The following GRIP1 variants were observed in gnomAD, a reference collection of about 807,000 sequenced individuals.
GRIP1 encodes the protein glutamate receptor-interacting protein 1.
A neutral mutation model predicts 129.9 loss-of-function variants in GRIP1; 45 were observed. That is an observed-to-expected ratio of 0.35 (90% CI 0.27 to 0.44). GRIP1 has a LOEUF of 0.44. Ranked by LOEUF, GRIP1 falls within the 20% of genes least tolerant of loss-of-function variation. The pLI is 1.00. For missense variants in GRIP1, 1,196 were observed against 1,396.8 expected (o/e 0.86, Z 2.29); for synonymous variants, 530 against 520.8 (o/e 1.02, Z -0.24).
At chr12:66,641,776 C>CT (rs2136091246) in intron 1 of GRIP1, among the ~76,000 whole-genome samples, 1 of 152,314 alleles carries the variant, frequency 6.6e-6, no homozygotes, top group Non-Finnish European at 1.5e-5. Context: ...TCTCTCTTAC[C>CT]TTGGCCATGC....
At chr12:66,880,534 A>C (rs1265480545) in intron 1 of GRIP1, among the ~76,000 whole-genome samples, 1 of 152,136 alleles carries the variant, frequency 6.6e-6, no homozygotes, top group African/African-American at 2.4e-5. Flanking sequence ...GCATAACCAG[A>C]GGATGAAGAC....
At chr12:66,996,809 T>C (rs1380868739) in intron 1 of GRIP1, among the ~76,000 whole-genome samples, 1 of 152,190 alleles carries the variant, frequency 6.6e-6, no homozygotes, top group Non-Finnish European at 1.5e-5. Flanking sequence ...CATGAAAATC[T>C]ACCTACTGAA....
intron 1 of GRIP1, among the ~76,000 whole-genome samples, chr12:66,957,434 A>ATATATG (rs2137519206): frequency 6.6e-6 from 1 of 151,228 alleles, no homozygotes. Flanking sequence ...ATATATATAT[A>ATATATG]TATTTCTTTT....
intron 1 of GRIP1, among the ~76,000 whole-genome samples, chr12:66,815,353 C>G (rs894422454): frequency 2.6e-5 from 4 of 152,098 alleles, no homozygotes; most frequent in Non-Finnish European, 4.4e-5. Context: ...TCAGAAAACT[C>G]TGCCTGATGA....
chr12:66,543,070 C>T (rs189003846), intron 2 of GRIP1, among the ~76,000 whole-genome samples: 139 of 152,184 alleles, frequency 9.1e-4, no homozygotes, highest in African/African-American at 3.2e-3. Context: ...GCTGCTAGTA[C>T]ATTATCCTAC....
intron 1 of GRIP1, among the ~76,000 whole-genome samples, chr12:66,637,668 C>A (rs1013520632): frequency 6.6e-6 from 1 of 151,808 alleles, no homozygotes; most frequent in African/African-American, 2.4e-5. Flanking sequence ...AAATCTGAGC[C>A]CGCTGGGAGC....
At chr12:66,641,362 A>T (rs10878479) in intron 1 of GRIP1, among the ~76,000 whole-genome samples, 2 of 151,994 alleles carry the variant, frequency 1.3e-5, no homozygotes, top group Non-Finnish European at 2.9e-5. Context: ...GAGCTTTAAG[A>T]GATGAGCCTA....
intron 1 of GRIP1, among the ~76,000 whole-genome samples, chr12:66,929,044 C>T (rs2041343469): frequency 6.6e-6 from 1 of 152,186 alleles, no homozygotes; most frequent in South Asian, 2.1e-4. Flanking sequence ...ATTGGTAGAG[C>T]TGAGAACAGA....
At chr12:66,358,925 G>T (rs2054616994) in intron 23 of GRIP1, among the ~76,000 whole-genome samples, 1 of 152,154 alleles carries the variant, frequency 6.6e-6, no homozygotes, top group East Asian at 1.9e-4. Context: ...TCTGCCCGAG[G>T]TTCCTGCTTA....
intron 1 of GRIP1, among the ~76,000 whole-genome samples, chr12:67,030,305 TGC>T (rs2043004074): frequency 6.6e-6 from 1 of 151,766 alleles, no homozygotes; most frequent in African/African-American, 2.4e-5. Context: ...AGAAAATTAT[TGC>T]CATAGGGAAA....
chr12:66,722,566 A>G (rs904146045), intron 1 of GRIP1, among the ~76,000 whole-genome samples: 2 of 152,192 alleles, frequency 1.3e-5, no homozygotes, highest in African/African-American at 2.4e-5. Context: ...TGACAGAGAG[A>G]CACGAAGTGA....
intron 11 of GRIP1, among the ~76,000 whole-genome samples, chr12:66,454,694 G>T (rs1239097827): frequency 1.3e-5 from 2 of 152,164 alleles, no homozygotes; most frequent in Non-Finnish European, 2.9e-5. Context: ...GTGTTTGGCT[G>T]TCCAGATCAT....
At chr12:66,983,104 C>T (rs2042262508) in intron 1 of GRIP1, among the ~76,000 whole-genome samples, 1 of 152,140 alleles carries the variant, frequency 6.6e-6, no homozygotes, top group African/African-American at 2.4e-5. Context: ...GAGCACAAAA[C>T]CTATATGAAC....
intron 1 of GRIP1, among the ~76,000 whole-genome samples, chr12:67,029,497 T>TCACCTAAA (rs2042989074): frequency 6.7e-6 from 1 of 149,774 alleles, no homozygotes; most frequent in Non-Finnish European, 1.5e-5. Flanking sequence ...GAGGATCACC[T>TCACCTAAA]GAGCCCAGGA....
At chr12:66,580,265 C>T (rs1331965033) in intron 2 of GRIP1, among the ~76,000 whole-genome samples, 3 of 151,186 alleles carry the variant, frequency 2.0e-5, no homozygotes, top group Admixed American at 2.0e-4. Context: ...AAGCACTAAA[C>T]ATGGAAAGGA....
At chr12:66,893,763 TA>T (rs1243300665) in intron 1 of GRIP1, among the ~76,000 whole-genome samples, 1 of 152,220 alleles carries the variant, frequency 6.6e-6, no homozygotes, top group African/African-American at 2.4e-5. Flanking sequence ...TAATGTACGT[TA>T]AACCTCATTG....
At chr12:66,649,959 G>T (rs1349601127) in intron 1 of GRIP1, among the ~76,000 whole-genome samples, 1 of 152,140 alleles carries the variant, frequency 6.6e-6, no homozygotes, top group African/African-American at 2.4e-5. Context: ...TTACAGAAAG[G>T]GTAAACCGAG....
intron 13 of GRIP1, 54 bp from the exon 14 acceptor site, chr12:66,432,682 C>G: frequency 1.0e-6 from 1 of 984,780 alleles, no homozygotes; most frequent in Non-Finnish European, 1.6e-6. Context: ...ACTGGAGCAC[C>G]CATCAATAAA....
chr12:66,857,278 A>G (rs1234105823), intron 1 of GRIP1, among the ~76,000 whole-genome samples: 2 of 152,072 alleles, frequency 1.3e-5, no homozygotes, highest in East Asian at 3.9e-4. Context: ...ATGTTAAATG[A>G]CGACTATGGT....
Sources: gnomAD v4.1 joint callset for allele counts (sites outside exome capture counted in the v4.1 genomes callset) on GRCh38, gnomAD v4.1.1 for gene constraint, MANE v1.5 for transcripts, NCBI Gene and HGNC (gene_info 2026-07-23, HGNC 2026-07-21) for gene names.